The following SCML4 variants were observed in gnomAD, a reference collection of about 807,000 sequenced individuals.
SCML4 encodes sex comb on midleg-like protein 4.
SCML4 carries 34 observed loss-of-function variants against 41.1 expected under a neutral mutation model. The observed-to-expected ratio is 0.83, with a 90% confidence interval of 0.63 to 1.10. The LOEUF (loss-of-function observed/expected upper bound fraction) is 1.10. Among genes scored for constraint, SCML4 ranks in the 50% least tolerant of loss-of-function variants. The pLI, the probability that SCML4 is intolerant of heterozygous loss-of-function variation, is 0.00. For synonymous variants in SCML4, 214 were observed against 220.9 expected (o/e 0.97, Z 0.28); for missense variants, 522 against 534.1 (o/e 0.98, Z 0.22).
In SCML4 at chr6:107,781,177, G is replaced by A. The variant is rs182365622; in HGVS notation, c.-59-8791C>T. Among the ~76,000 whole-genome samples the A allele has an allele frequency of 2.0e-5, 3 of 152,116 alleles. No individual in the cohort carries two copies. In the East Asian group the frequency reaches 5.8e-4, roughly 29 times the overall value. On this transcript the variant is annotated intron_variant, in intron 1 of 7. Coordinates refer to ENST00000369020, the MANE Select transcript of SCML4 (RefSeq NM_198081.5). ...TAAGGCCAGCTGGACAACATGGTGA[G>A]ACCCTGTCTCTACAAAAAATACAAA...
In SCML4 at chr6:107,809,037, C is replaced by CTTT. The variant is rs1487243531; in HGVS notation, c.-60+15088_-60+15089insAAA. ...CTCACAATGCAACAGTATTTACAGG[C>CTTT]GTGGCTTCTGGGAGATGATTAGTCA... On this transcript the variant is annotated intron_variant, in intron 1 of 7. Transcript: ENST00000369020. Among the ~76,000 whole-genome samples the CTTT allele has an allele frequency of 1.0e-2, 608 of 60,802 alleles. 8 individuals carry two copies. Among genetic ancestry groups the CTTT allele is most frequent in the Non-Finnish European group, 7.1e-3 (220 of 30,778 alleles). 39.9% of individuals were successfully genotyped at this position (60,802 alleles called of 152,430 possible).
At chr6:107,707,182 T>C (rs571027460) in intron 7 of SCML4, among the ~76,000 whole-genome samples, 122 of 142,672 alleles carry the variant, frequency 8.6e-4, no homozygotes, top group Admixed American at 1.1e-3. Flanking sequence ...GTGCCTGTAA[T>C]CCCAGCTGCT....
chr6:107,738,042 C>T lies in SCML4; in HGVS notation c.682+6907G>A, dbSNP rs73762054. Among the ~76,000 whole-genome samples, 888 of 152,298 alleles carry T rather than the reference C, an allele frequency of 5.8e-3. 7 individuals carry two copies. The highest frequency in any genetic ancestry group is 0.021 in the African/African-American group (863 of 41,550). Reference sequence around the variant, plus strand: ...CACATTAAAGTTTGAGAAGCACTGGCTAAAGCATATTTATACTTGGGTCTT... The same window carrying T: ...CACATTAAAGTTTGAGAAGCACTGGTTAAAGCATATTTATACTTGGGTCTT... On this transcript the variant is annotated intron_variant, in intron 5 of 7. Transcript: ENST00000369020.
chr6:107,728,923 G>A (rs1298502864), intron 5 of SCML4, among the ~76,000 whole-genome samples: 1 of 152,154 alleles, frequency 6.6e-6, no homozygotes, highest in Admixed American at 6.5e-5. Flanking sequence ...TTGATGAAAT[G>A]GATCTGTTCA....
At chr6:107,805,720 A>G (rs1783673245) in intron 1 of SCML4, among the ~76,000 whole-genome samples, 1 of 152,248 alleles carries the variant, frequency 6.6e-6, no homozygotes, top group Admixed American at 6.5e-5. Context: ...AGAGTGACGT[A>G]AAGTTGTACA....
the SCML4 span, among the ~76,000 whole-genome samples, chr6:107,836,482 C>T: frequency 0.019 from 2,841 of 152,256 alleles, 103 homozygotes; most frequent in East Asian, 0.16. Context: ...TCTCTCACCA[C>T]AAGGCCTGGG....
chr6:107,826,788 G>T (rs1189417528), upstream of SCML4, among the ~76,000 whole-genome samples: 4 of 152,222 alleles, frequency 2.6e-5, no homozygotes, highest in African/African-American at 9.6e-5. Context: ...GATTGCTTGG[G>T]CGCGGTGGCT....
chr6:107,789,392 A>T (rs1311366346), intron 1 of SCML4, among the ~76,000 whole-genome samples: 1 of 152,120 alleles, frequency 6.6e-6, no homozygotes, highest in Non-Finnish European at 1.5e-5. Context: ...GTCCCAGCCC[A>T]TCCTGCCTCC....
At chr6:107,759,931 C>T (rs1479091216) in intron 2 of SCML4, among the ~76,000 whole-genome samples, 5 of 152,128 alleles carry the variant, frequency 3.3e-5, no homozygotes, top group Admixed American at 6.5e-5. Context: ...ACAAATGACA[C>T]GCTAGTCCTG....
the SCML4 span, among the ~76,000 whole-genome samples, chr6:107,829,858 C>A: frequency 6.6e-6 from 1 of 152,156 alleles, no homozygotes; most frequent in South Asian, 2.1e-4. Context: ...CATTGGCAAA[C>A]ATATTTGATA....
intron 5 of SCML4, among the ~76,000 whole-genome samples, chr6:107,735,048 G>A (rs904989256): frequency 6.6e-6 from 1 of 152,172 alleles, no homozygotes; most frequent in East Asian, 1.9e-4. Context: ...GCTAAGTTTT[G>A]TATTTTTAGT....
At chr6:107,720,103 C>G (rs77474004) in intron 6 of SCML4, 31 of 985,250 alleles carry the variant, frequency 3.1e-5, no homozygotes, top group Non-Finnish European at 3.6e-5. Flanking sequence ...GAAGGTGACA[C>G]TTCCTATGCA....
intron 6 of SCML4, among the ~76,000 whole-genome samples, chr6:107,717,998 G>A (rs764881990): frequency 2.6e-5 from 4 of 152,202 alleles, no homozygotes; most frequent in African/African-American, 4.8e-5. Flanking sequence ...GAGCTAGGGG[G>A]CCTCTCCTGG....
the SCML4 span, among the ~76,000 whole-genome samples, chr6:107,831,410 T>TCC: frequency 6.6e-5 from 1 of 15,234 alleles, no homozygotes; most frequent in African/African-American, 1.5e-4. Context: ...ATTTTCATTC[T>TCC]CAAAAAAAAA....
upstream of SCML4, among the ~76,000 whole-genome samples, chr6:107,828,231 T>C (rs1278502145): frequency 6.6e-6 from 1 of 152,220 alleles, no homozygotes; most frequent in Non-Finnish European, 1.5e-5. Flanking sequence ...TTCCACCTCA[T>C]GGATCCTGGC....
At chr6:107,767,785 T>A (rs1391533003) in intron 2 of SCML4, among the ~76,000 whole-genome samples, 3 of 152,018 alleles carry the variant, frequency 2.0e-5, no homozygotes, top group Non-Finnish European at 4.4e-5. Flanking sequence ...GGTGGCTGAG[T>A]GACTAACTGC....
At chr6:107,775,993 T>C (rs1033245667) in intron 1 of SCML4, among the ~76,000 whole-genome samples, 1 of 152,070 alleles carries the variant, frequency 6.6e-6, no homozygotes, top group Admixed American at 6.5e-5. Context: ...AAAAAAATAT[T>C]TTTAGAAATT....
chr6:107,842,707 T>C, the SCML4 span, among the ~76,000 whole-genome samples: 12 of 152,338 alleles, frequency 7.9e-5, no homozygotes, highest in South Asian at 2.5e-3. Flanking sequence ...TCTTTTGTGA[T>C]TTTCTGTCTA....
At chr6:107,776,412 T>C (rs1477967741) in intron 1 of SCML4, among the ~76,000 whole-genome samples, 1 of 150,642 alleles carries the variant, frequency 6.6e-6, no homozygotes, top group African/African-American at 2.4e-5. Context: ...CAGTAGAAAA[T>C]GAGCAAAGGA....
Sources: allele counts gnomAD v4.1 joint callset (sites outside exome capture counted in the v4.1 genomes callset), GRCh38; gene constraint gnomAD v4.1.1; transcripts MANE v1.5; gene names NCBI Gene and HGNC (gene_info 2026-07-23, HGNC 2026-07-21).